The following PHACTR1 variants were observed in gnomAD, a reference collection of about 807,000 sequenced individuals.
The protein encoded by PHACTR1 is phosphatase and actin regulator 1.
PHACTR1 carries 16 observed loss-of-function variants against 69.2 expected under a neutral mutation model. That is an observed-to-expected ratio of 0.23 (90% CI 0.16 to 0.35). PHACTR1 has a LOEUF of 0.35. PHACTR1 is among the 10% of genes least tolerant of loss of function. The pLI, the probability that PHACTR1 is intolerant of heterozygous loss-of-function variation, is 1.00. For synonymous variants in PHACTR1, 312 were observed against 284.5 expected (o/e 1.10, Z -0.97); for missense variants, 510 against 734.7 (o/e 0.69, Z 3.54).
At chr6:12,785,967 G>T (rs532326458) in intron 4 of PHACTR1, among the ~76,000 whole-genome samples, 2 of 152,182 alleles carry the variant, frequency 1.3e-5, no homozygotes, top group South Asian at 4.2e-4. Context: ...AATTTCAACG[G>T]TTATATTGTG....
At position 13,199,191 on chromosome 6, in the gene PHACTR1, G is replaced by T. The variant is rs1422624633; in HGVS notation, c.665-6624G>T. On this transcript the variant is annotated intron_variant, in intron 7 of 14. Coordinates refer to ENST00000332995, the MANE Select transcript of PHACTR1 (RefSeq NM_030948.6). ...TCACGAGGTCAGGAGTTTGAGACCAGCTTGGCCAGCATGGTGAAACCCCAT... is the reference window on the plus strand; with the variant it reads ...TCACGAGGTCAGGAGTTTGAGACCATCTTGGCCAGCATGGTGAAACCCCAT... 3.9e-5 allele frequency among the ~76,000 whole-genome samples: 6 copies of T among 152,166 alleles called. No homozygotes were observed. In the East Asian group the frequency reaches 1.2e-3, roughly 29 times the overall value.
At position 12,797,008 on chromosome 6, in the gene PHACTR1, AGTGTGTGTGT is replaced by A. The variant is rs10577949; in HGVS notation, c.250+47242_250+47251del. Among the ~76,000 whole-genome samples the A allele has an allele frequency of 2.0e-3, 275 of 138,344 alleles. 6 individuals are homozygous for A. Among genetic ancestry groups the A allele is most frequent in the South Asian group, 6.6e-3 (26 of 3,932 alleles). The allele number at this position is 138,344 out of a possible 152,430, so 90.8% of individuals were successfully genotyped here. A position where few individuals can be genotyped will look rare whatever the true frequency, so the allele number is the denominator to read the frequency against. On this transcript the variant is annotated intron_variant, in intron 4 of 14. Transcript: ENST00000332995. ...AGGGTGTCCAGCTCCGAAGCCTAGG[AGTGTGTGTGT>A]GTGTGTGTGTGTGTGTGTGTGTGAG...
intron 10 of PHACTR1, among the ~76,000 whole-genome samples, chr6:13,254,057 A>G (rs555496): frequency 0.068 from 10,392 of 152,120 alleles, 676 homozygotes; most frequent in Admixed American, 0.22. Flanking sequence ...GTGAAACCCT[A>G]TATCTACTAA....
chr6:13,003,965 G>GTGTATATA (rs1798443361), intron 4 of PHACTR1, among the ~76,000 whole-genome samples: 1 of 96,308 alleles, frequency 1.0e-5, no homozygotes, highest in African/African-American at 5.9e-5. Flanking sequence ...ATATATATAT[G>GTGTATATA]TATATATATA....
At chr6:13,062,517 T>C (rs1807827173) in intron 5 of PHACTR1, among the ~76,000 whole-genome samples, 1 of 152,158 alleles carries the variant, frequency 6.6e-6, no homozygotes, top group Non-Finnish European at 1.5e-5. Context: ...CTAGAATTAT[T>C]CTTCTTTAAA....
At chr6:13,230,220 C>T (rs756804350) in intron 10 of PHACTR1, 27 bp downstream of exon 10, 1 of 1,594,206 alleles carries the variant, frequency 6.3e-7, no homozygotes, top group South Asian at 1.1e-5. Context: ...CTCTGCCTCC[C>T]TGGCAGTGGG....
At chr6:13,103,199 A>T (rs1392925878) in intron 5 of PHACTR1, among the ~76,000 whole-genome samples, 1 of 152,208 alleles carries the variant, frequency 6.6e-6, no homozygotes, top group African/African-American at 2.4e-5. Context: ...TGTTAATTGC[A>T]TTGCTTTTCT....
intron 4 of PHACTR1, among the ~76,000 whole-genome samples, chr6:12,765,318 G>A (rs1768473419): frequency 6.6e-6 from 1 of 152,176 alleles, no homozygotes; most frequent in Non-Finnish European, 1.5e-5. Context: ...AAATCTATCA[G>A]TAGAAATATC....
chr6:13,206,468 A>C (rs1257477689), intron 8 of PHACTR1, among the ~76,000 whole-genome samples: 1 of 151,436 alleles, frequency 6.6e-6, no homozygotes, highest in African/African-American at 2.4e-5. Flanking sequence ...AACAAAACCA[A>C]CTTAACCATA....
intron 6 of PHACTR1, among the ~76,000 whole-genome samples, chr6:13,166,455 G>C (rs1191907063): frequency 6.6e-6 from 1 of 152,178 alleles, no homozygotes; most frequent in Non-Finnish European, 1.5e-5. Flanking sequence ...GGACAAAATT[G>C]ATGTTCAGCA....
intron 4 of PHACTR1, among the ~76,000 whole-genome samples, chr6:12,866,287 A>G (rs1781445070): frequency 6.6e-6 from 1 of 152,184 alleles, no homozygotes; most frequent in South Asian, 2.1e-4. Context: ...CAGATTGCAT[A>G]TATTATAGGA....
chr6:13,157,721 T>C (rs1210256669), intron 5 of PHACTR1, among the ~76,000 whole-genome samples: 1 of 152,206 alleles, frequency 6.6e-6, no homozygotes, highest in East Asian at 1.9e-4. Flanking sequence ...GTTTTATTTA[T>C]GCGGTTAAGT....
intron 5 of PHACTR1, among the ~76,000 whole-genome samples, chr6:13,154,046 T>A (rs1402100008): frequency 6.6e-6 from 1 of 152,228 alleles, no homozygotes; most frequent in East Asian, 1.9e-4. Context: ...GTAAATGATT[T>A]CAGTAAATTT....
intron 4 of PHACTR1, among the ~76,000 whole-genome samples, chr6:12,815,773 T>G (rs1775509768): frequency 6.6e-6 from 1 of 152,240 alleles, no homozygotes; most frequent in African/African-American, 2.4e-5. Context: ...CAGTCTAGCT[T>G]GCTTTTGTTA....
intron 5 of PHACTR1, among the ~76,000 whole-genome samples, chr6:13,118,215 T>C (rs1818099718): frequency 6.6e-6 from 1 of 152,158 alleles, no homozygotes; most frequent in South Asian, 2.1e-4. Context: ...GGCTTGAACA[T>C]GTGCTATTAT....
At chr6:12,898,759 C>T (rs1784921792) in intron 4 of PHACTR1, among the ~76,000 whole-genome samples, 1 of 152,174 alleles carries the variant, frequency 6.6e-6, no homozygotes, top group East Asian at 1.9e-4. Flanking sequence ...CCGGGACTTC[C>T]CCATCGATGT....
At chr6:12,811,998 G>A (rs1775064276) in intron 4 of PHACTR1, among the ~76,000 whole-genome samples, 1 of 150,678 alleles carries the variant, frequency 6.6e-6, no homozygotes, top group African/African-American at 2.4e-5. Context: ...TTTTTTTTAT[G>A]AGGCAAATGC....
intron 4 of PHACTR1, among the ~76,000 whole-genome samples, chr6:12,807,196 A>G (rs986393201): frequency 2.6e-5 from 4 of 152,206 alleles, no homozygotes; most frequent in African/African-American, 9.6e-5. Flanking sequence ...AAAAAATCTC[A>G]CACAGTACTT....
At chr6:12,745,214 C>T (rs960766768) in intron 3 of PHACTR1, among the ~76,000 whole-genome samples, 4 of 152,164 alleles carry the variant, frequency 2.6e-5, no homozygotes, top group African/African-American at 7.2e-5. Context: ...CATCCTCTTC[C>T]ATAGCAGTTG....
Sources: allele counts gnomAD v4.1 joint callset (sites outside exome capture counted in the v4.1 genomes callset), GRCh38; gene constraint gnomAD v4.1.1; transcripts MANE v1.5; gene names NCBI Gene and HGNC (gene_info 2026-07-23, HGNC 2026-07-21).